DNER: variants seen among roughly 807,000 people sequenced by gnomAD.
The protein encoded by DNER is delta/notch like EGF repeat containing.
DNER carries 33 observed loss-of-function variants against 78.2 expected under a neutral mutation model. The observed-to-expected ratio is 0.42, with a 90% confidence interval of 0.32 to 0.56. The LOEUF (loss-of-function observed/expected upper bound fraction) is 0.56. Ranked by LOEUF, DNER falls within the 20% of genes least tolerant of loss-of-function variation. The pLI, the probability that DNER is intolerant of heterozygous loss-of-function variation, is 0.11. For missense variants in DNER, 918 were observed against 975.3 expected (o/e 0.94, Z 0.78); for synonymous variants, 417 against 384.8 (o/e 1.08, Z -0.98).
chr2:229,501,739 A>G (rs1408441753), intron 6 of DNER, among the ~76,000 whole-genome samples: 1 of 152,184 alleles, frequency 6.6e-6, no homozygotes, highest in African/African-American at 2.4e-5. Flanking sequence ...AAAAGAAGGC[A>G]CACTCCCCTC....
chr2:229,474,122 T>A (rs1296941779), intron 7 of DNER, among the ~76,000 whole-genome samples: 1 of 152,158 alleles, frequency 6.6e-6, no homozygotes, highest in Non-Finnish European at 1.5e-5. Context: ...GTCAGGCTGG[T>A]CTTGTACTCC....
At chr2:229,669,369 C>CAT (rs58371383) in intron 1 of DNER, among the ~76,000 whole-genome samples, 9,932 of 144,600 alleles carry the variant, frequency 0.069, 876 homozygotes, top group African/African-American at 0.21. Flanking sequence ...TGTATACATA[C>CAT]ATATATATAT....
chr2:229,696,249 C>A (rs942939677), intron 1 of DNER, among the ~76,000 whole-genome samples: 7 of 152,196 alleles, frequency 4.6e-5, no homozygotes, highest in Non-Finnish European at 8.8e-5. Flanking sequence ...TCTAGGTCAA[C>A]CCACATGAGC....
chr2:229,454,465 T>C (rs1694528103), intron 7 of DNER, among the ~76,000 whole-genome samples: 1 of 152,204 alleles, frequency 6.6e-6, no homozygotes. Context: ...AAGGATCCTG[T>C]GTTTTTTTAT....
At chr2:229,674,799 T>C (rs1699274668) in intron 1 of DNER, among the ~76,000 whole-genome samples, 2 of 152,154 alleles carry the variant, frequency 1.3e-5, no homozygotes, top group South Asian at 4.2e-4. Context: ...TGAACTCCAT[T>C]TGGCCAAATA....
intron 1 of DNER, among the ~76,000 whole-genome samples, chr2:229,631,901 T>G (rs1171041149): frequency 1.3e-5 from 2 of 152,224 alleles, no homozygotes; most frequent in African/African-American, 4.8e-5. Flanking sequence ...CTAACAAAAG[T>G]AACTGGCACA....
chr2:229,520,285 A>G (rs1177600112), intron 5 of DNER, among the ~76,000 whole-genome samples: 1 of 152,182 alleles, frequency 6.6e-6, no homozygotes, highest in African/African-American at 2.4e-5. Context: ...CTTTGAGCAC[A>G]TGTTTATACA....
intron 12 of DNER, among the ~76,000 whole-genome samples, chr2:229,366,053 T>A (rs573959481): frequency 7.2e-5 from 11 of 152,322 alleles, no homozygotes; most frequent in Admixed American, 3.9e-4. Flanking sequence ...CCATCTTTAA[T>A]ATTTGTAATG....
rs187338543 is a variant in DNER at position 229,558,321 on chromosome 2, C to A, written c.848-11229G>T. On this transcript the variant is annotated intron_variant, in intron 4 of 12. Coordinates refer to ENST00000341772, the MANE Select transcript of DNER (RefSeq NM_139072.4). ...GTGATAAAATAATCTGTACAATAGA[C>A]CCCCATAACCCAAGTTTATCTATGC... 2.3e-3 allele frequency among the ~76,000 whole-genome samples: 329 copies of A among 145,302 alleles called. 1 individual carries two copies. Among genetic ancestry groups the A allele is most frequent in the African/African-American group, 8.5e-3 (297 of 34,968 alleles).
At chr2:229,557,653 A>G (rs1696876467) in intron 4 of DNER, among the ~76,000 whole-genome samples, 1 of 152,096 alleles carries the variant, frequency 6.6e-6, no homozygotes, top group African/African-American at 2.4e-5. Flanking sequence ...ACAGAAAAAG[A>G]GAGAGTAAAA....
chr2:229,385,423 G>A (rs908292870), intron 11 of DNER, among the ~76,000 whole-genome samples: 5 of 152,288 alleles, frequency 3.3e-5, no homozygotes, highest in Middle Eastern at 3.4e-3. Flanking sequence ...AGACAAGGAT[G>A]CCTTCTCTCA....
chr2:229,598,259 G>A (rs138263256), intron 1 of DNER, among the ~76,000 whole-genome samples: 66 of 152,308 alleles, frequency 4.3e-4, no homozygotes, highest in African/African-American at 1.4e-3. Context: ...AAAATGTATG[G>A]GCTTCAGCCC....
Position 229,546,818 on chromosome 2 carries a change from C to T in DNER, c.993+129G>A, listed in dbSNP as rs1470933598. The T allele has an allele frequency of 2.0e-5, 26 of 1,330,794 alleles. No homozygotes were observed. The Middle Eastern group carries it at 6.0e-4, about 31-fold the overall frequency. The allele number at this position is 1,330,794 out of a possible 1,614,324, so 82.4% of individuals were successfully genotyped here. ...ATAGATAGATAGACAGACAGACAGA[C>T]AGACAGACAGACAGATAGATAGATA... On this transcript the variant is annotated intron_variant, in intron 5 of 12. Coordinates refer to ENST00000341772, the MANE Select transcript of DNER (RefSeq NM_139072.4).
chr2:229,522,619 G>GA (rs916611327), intron 5 of DNER, among the ~76,000 whole-genome samples: 5 of 151,782 alleles, frequency 3.3e-5, no homozygotes, highest in South Asian at 2.1e-4. Flanking sequence ...CAAGAAAATG[G>GA]AAAAAAAATA....
chr2:229,512,685 G>A, intron 6 of DNER, 98 bp downstream of exon 6: 1 of 1,503,276 alleles, frequency 6.7e-7, no homozygotes. Context: ...ATGTAACCAA[G>A]TACCACCTGT....
At chr2:229,486,482 G>A (rs796167464) in intron 6 of DNER, among the ~76,000 whole-genome samples, 54 of 152,284 alleles carry the variant, frequency 3.5e-4, no homozygotes, top group African/African-American at 1.0e-3. Context: ...CAGTGGGAAG[G>A]ACAGTGGCTT....
At chr2:229,432,070 G>T (rs1285662666) in intron 8 of DNER, among the ~76,000 whole-genome samples, 2 of 151,976 alleles carry the variant, frequency 1.3e-5, no homozygotes, top group Non-Finnish European at 2.9e-5. Flanking sequence ...CATGATTAAA[G>T]CACCAAGATT....
chr2:229,659,729 C>T (rs961984160), intron 1 of DNER, among the ~76,000 whole-genome samples: 11 of 152,164 alleles, frequency 7.2e-5, no homozygotes, highest in African/African-American at 2.6e-4. Flanking sequence ...CTCTGTGATC[C>T]CTCCAAGAGC....
chr2:229,697,373 A>G (rs932642034), intron 1 of DNER, among the ~76,000 whole-genome samples: 5 of 152,248 alleles, frequency 3.3e-5, no homozygotes, highest in Admixed American at 3.3e-4. Flanking sequence ...CAACTGCTTC[A>G]TGGATACAGT....
Sources: allele counts gnomAD v4.1 joint callset (sites outside exome capture counted in the v4.1 genomes callset), GRCh38; gene constraint gnomAD v4.1.1; transcripts MANE v1.5; gene names NCBI Gene and HGNC (gene_info 2026-07-23, HGNC 2026-07-21).